The following MMP11 variants were observed in gnomAD, a reference collection of about 807,000 sequenced individuals.
MMP11 encodes stromelysin-3.
A neutral mutation model predicts 49.5 loss-of-function variants in MMP11; 26 were observed. The ratio of observed to expected loss-of-function variants is 0.52; its 90% confidence interval spans 0.38 to 0.73. MMP11 has a LOEUF of 0.73. Among genes scored for constraint, MMP11 ranks in the 30% least tolerant of loss-of-function variants. The pLI, the probability that MMP11 is intolerant of heterozygous loss-of-function variation, is 0.00. For missense variants in MMP11, 624 were observed against 671.2 expected (o/e 0.93, Z 0.78); for synonymous variants, 265 against 282.3 (o/e 0.94, Z 0.62).
At position 23,781,234 on chromosome 22, in the gene MMP11, G is replaced by T; in HGVS notation, c.900G>T (p.Ala300=). The T allele has an allele frequency of 6.2e-7, 1 of 1,611,624 alleles. No individual in the cohort carries two copies. The change falls in exon 6 of 8, where the codon GCG becomes GCT. Residue 300 remains alanine, a synonymous_variant. Coordinates refer to ENST00000215743, the MANE Select transcript of MMP11 (RefSeq NM_005940.5). The part of the protein sequence containing the change: ...PPDACEASFD[A]VSTIRGELFF... ...ATGCCTGTGAGGCCTCCTTTGACGCGGTCTCCACCATCCGAGGCGAGCTCT... is the reference window on the plus strand; with the variant it reads ...ATGCCTGTGAGGCCTCCTTTGACGCTGTCTCCACCATCCGAGGCGAGCTCT...
intron 5 of MMP11, 36 bp from the exon 6 acceptor site, chr22:23,781,157 T>C (rs1927611963): frequency 6.2e-7 from 1 of 1,609,076 alleles, no homozygotes. Flanking sequence ...GACTGCAGCA[T>C]ATGCCCTCAG....
At position 23,783,391 on chromosome 22, in the gene MMP11, T is replaced by G; in HGVS notation, c.1334-20T>G. Reference sequence around the variant, plus strand: ...GGCCCAGTGTCCGCTCGCCCAGGCTTGACCACCTTCTCTTCTCAGGCTATG... The same window carrying G: ...GGCCCAGTGTCCGCTCGCCCAGGCTGGACCACCTTCTCTTCTCAGGCTATG... On this transcript the variant is annotated intron_variant, in intron 7 of 7. Transcript: ENST00000215743. 6.2e-7 allele frequency: 1 copy of G among 1,613,340 alleles called. No individual in the cohort carries two copies. The highest frequency in any genetic ancestry group is 8.5e-7 in the Non-Finnish European group (1 of 1,179,378).
At chr22:23,777,420 A>G (rs569170841) in intron 1 of MMP11, among the ~76,000 whole-genome samples, 1 of 152,164 alleles carries the variant, frequency 6.6e-6, no homozygotes, top group South Asian at 2.1e-4. Context: ...CAAAAAAATT[A>G]GCCGGGCATG....
chr22:23,781,434 C>T (rs190683978), intron 6 of MMP11, 25 bp downstream of exon 6: 5 of 1,556,168 alleles, frequency 3.2e-6, no homozygotes, highest in South Asian at 2.3e-5. Context: ...GGGATCTGCT[C>T]GAGAGACTTC....
intron 1 of MMP11, 125 bp from the exon 2 acceptor site, chr22:23,779,062 T>G (rs1927513861): frequency 2.7e-6 from 2 of 752,126 alleles, no homozygotes; most frequent in Admixed American, 2.7e-5. Context: ...GCCCTTTCCC[T>G]CTCCATTTGC....
In MMP11 at chr22:23,782,242, G is replaced by A. The variant is rs750153280; in HGVS notation, c.1092G>A (p.Val364=). The A allele has an allele frequency of 1.2e-6, 2 of 1,613,322 alleles. No homozygotes were observed. Among genetic ancestry groups the A allele is most frequent in the African/African-American group, 1.3e-5 (1 of 74,954 alleles). The change falls in exon 7 of 8, where the codon GTG becomes GTA. Residue 364 remains valine, a synonymous_variant. Transcript: ENST00000215743. ...IWFFQGAQYW[V]YDGEKPVLGP... ...CTCCGGCAGGTGCTCAGTACTGGGT[G>A]TACGACGGTGAAAAGCCAGTCCTGG...
At chr22:23,773,217 T>G (rs997819962) in intron 1 of MMP11, among the ~76,000 whole-genome samples, 3 of 152,156 alleles carry the variant, frequency 2.0e-5, no homozygotes, top group Non-Finnish European at 4.4e-5. Context: ...CACGCTGGAC[T>G]CACGCTTGCT....
Position 23,774,305 on chromosome 22 carries a change from G to A in MMP11, c.108+1327G>A, listed in dbSNP as rs1048356958. 3.9e-5 allele frequency among the ~76,000 whole-genome samples: 6 copies of A among 152,138 alleles called. No individual in the cohort carries two copies. In the East Asian group the frequency reaches 5.8e-4, roughly 15 times the overall value. On this transcript the variant is annotated intron_variant, in intron 1 of 7. Transcript: ENST00000215743. Reference sequence around the variant, plus strand: ...TGTCACCTGTAGCTGCCACTTTGACGCTTGTGCATGGTCAGTGCTGGAGCT... The same window carrying A: ...TGTCACCTGTAGCTGCCACTTTGACACTTGTGCATGGTCAGTGCTGGAGCT...
At position 23,779,705 on chromosome 22, in the gene MMP11, T is replaced by C. The variant is rs762191277; in HGVS notation, c.338+289T>C. ...CGGGTGTTCAGTCACTCAGGCAGCC[T>C]TTACAAGAGACCTGTGAGGACCAGG... is the stretch of plus-strand genomic sequence containing the variant. On this transcript the variant is annotated intron_variant, in intron 2 of 7. Coordinates refer to ENST00000215743, the MANE Select transcript of MMP11 (RefSeq NM_005940.5). 173 of 501,212 alleles carry C rather than the reference T, an allele frequency of 3.5e-4. 1 individual carries two copies. The highest frequency in any genetic ancestry group is 5.5e-4 in the Non-Finnish European group (154 of 279,656). 31.0% of individuals were successfully genotyped at this position (501,212 alleles called of 1,614,324 possible).
rs1927663979 is a variant in MMP11 at position 23,782,269 on chromosome 22, C to T, written c.1119C>T (p.Gly373=). The part of the protein sequence containing the change: ...WVYDGEKPVL[G]PAPLTELGLV... ...ACGACGGTGAAAAGCCAGTCCTGGGCCCCGCACCCCTCACCGAGCTGGGCC... is the reference window on the plus strand; with the variant it reads ...ACGACGGTGAAAAGCCAGTCCTGGGTCCCGCACCCCTCACCGAGCTGGGCC... Residue 373 remains glycine, a synonymous_variant, in exon 7 of 8, where the codon GGC becomes GGT. Coordinates refer to ENST00000215743, the MANE Select transcript of MMP11 (RefSeq NM_005940.5). 5 of 1,613,676 alleles carry T rather than the reference C, an allele frequency of 3.1e-6. No homozygotes were observed. The highest frequency in any genetic ancestry group is 4.5e-5 in the East Asian group (2 of 44,872).
chr22:23,782,575 G>T, intron 7 of MMP11, 92 bp downstream of exon 7: 3 of 1,444,754 alleles, frequency 2.1e-6, no homozygotes, highest in Non-Finnish European at 2.8e-6. Context: ...CCTGCCACAG[G>T]AAGTCTGGCT....
intron 1 of MMP11, among the ~76,000 whole-genome samples, chr22:23,776,309 G>T (rs1186538841): frequency 1.3e-5 from 2 of 152,208 alleles, no homozygotes; most frequent in Non-Finnish European, 1.5e-5. Flanking sequence ...TCCAGGGAGG[G>T]TCTTCATACC....
rs756046676 is a variant in MMP11, at chr22:23,780,326, C to G, written c.339-33C>G. 4 of 1,611,880 alleles carry G rather than the reference C, an allele frequency of 2.5e-6. No homozygotes were observed. Among genetic ancestry groups the G allele is most frequent in the Non-Finnish European group, 3.4e-6 (4 of 1,179,938 alleles). ...CCTCAGCCATCGGGGGCTGTCCCTT[C>G]CCTGAGGCCCAGGCCCCTCCATCTC... On this transcript the variant is annotated intron_variant, in intron 2 of 7. Coordinates refer to ENST00000215743, the MANE Select transcript of MMP11 (RefSeq NM_005940.5). This position sits in a 1 kb window ranked among gnomAD's most constrained non-coding sequence, Gnocchi z 4.6.
rs566228484 is a variant in MMP11, at chr22:23,779,286, C to T, written c.208C>T (p.Arg70Trp). 3.2e-5 allele frequency: 51 copies of T among 1,610,288 alleles called. No homozygotes were observed. The Middle Eastern group carries it at 5.0e-4, about 16-fold the overall frequency. The change falls in exon 2 of 8, where the codon CGG becomes TGG. Residue 70 changes from arginine (R) to tryptophan (W), a missense_variant. Physicochemically the swap from Arg to Trp is moderately radical, Grantham distance 101. Transcript: ENST00000215743. ...APAPATQEAP[R>W]PASSLRPPRC... ...TGCCCCTGCCACGCAGGAAGCCCCC[C>T]GGCCTGCCAGCAGCCTCAGGCCTCC...
intron 6 of MMP11, chr22:23,781,643 G>GTGTTGGTGC (rs1568929286): frequency 1.6e-6 from 1 of 638,292 alleles, no homozygotes; most frequent in Non-Finnish European, 2.9e-6. Context: ...GTGGGGCCTC[G>GTGTTGGTGC]TGTTGGTGCG....
Position 23,783,417 on chromosome 22 carries a change from C to A in MMP11, c.1340C>A (p.Ala447Asp). 1 of 1,614,192 alleles carries A rather than the reference C, an allele frequency of 6.2e-7. No homozygotes were observed. The highest frequency in any genetic ancestry group is 1.1e-5 in the South Asian group (1 of 91,086). The change falls in exon 8 of 8, where the codon GCC becomes GAC. Residue 447 changes from alanine (A) to aspartate (D), a missense_variant. By Grantham distance (126) the Ala-to-Asp change is moderately radical. Transcript: ENST00000215743. ...GACCACCTTCTCTTCTCAGGCTATG[C>A]CTACTTCCTGCGCGGCCGCCTCTAC... ...DAAFQDADGY[A>D]YFLRGRLYWK...
rs1417615867 is a variant in MMP11 at position 23,782,297 on chromosome 22, G to C, written c.1147G>C (p.Val383Leu). Residue 383 changes from valine to leucine, a missense_variant, in exon 7 of 8, where the codon GTG becomes CTG. Transcript: ENST00000215743. ...GPAPLTELGL[V>L]RFPVHAALVW... is the part of the protein sequence containing the mutation. ...CGCACCCCTCACCGAGCTGGGCCTGGTGAGGTTCCCGGTCCATGCTGCCTT... is the reference window on the plus strand; with the variant it reads ...CGCACCCCTCACCGAGCTGGGCCTGCTGAGGTTCCCGGTCCATGCTGCCTT... 6.2e-7 allele frequency: 1 copy of C among 1,613,798 alleles called. No homozygotes were observed. The highest frequency in any genetic ancestry group is 1.3e-5 in the African/African-American group (1 of 74,878).
At chr22:23,777,084 G>A (rs1424882362) in intron 1 of MMP11, among the ~76,000 whole-genome samples, 2 of 149,142 alleles carry the variant, frequency 1.3e-5, no homozygotes, top group Admixed American at 6.6e-5. Flanking sequence ...TGGGATTACA[G>A]GCGTGAGCCA....
intron 1 of MMP11, among the ~76,000 whole-genome samples, chr22:23,778,046 T>G (rs1927478458): frequency 6.6e-6 from 1 of 152,138 alleles, no homozygotes; most frequent in African/African-American, 2.4e-5. Context: ...GTGGCTGAGC[T>G]CCTACCCCAA....
Sources: gnomAD v4.1 joint callset for allele counts (sites outside exome capture counted in the v4.1 genomes callset) on GRCh38, gnomAD v4.1.1 for gene constraint, Gnocchi (gnomAD v3.1) non-coding constraint, MANE v1.5 for transcripts, NCBI Gene and HGNC (gene_info 2026-07-23, HGNC 2026-07-21) for gene names.